Variants in CNTN4 observed in about 807,000 individuals in gnomAD.
CNTN4 encodes the protein contactin-4.
Under a neutral mutation model 122.5 loss-of-function variants are expected in CNTN4, and 77 were observed. The observed-to-expected ratio is 0.63, with a 90% CI of 0.52 to 0.76. CNTN4 has a LOEUF of 0.76. Among genes scored for constraint, CNTN4 ranks in the 30% least tolerant of loss-of-function variants. The pLI is 0.00. For missense variants in CNTN4, 1,256 were observed against 1,259.1 expected (o/e 1.00, Z 0.04); for synonymous variants, 512 against 447.0 (o/e 1.15, Z -1.83).
chr3:3,043,570 G>C (rs201415080), intron 22 of CNTN4, 22 bp from the exon 23 acceptor site: 27 of 1,535,486 alleles, frequency 1.8e-5, no homozygotes, highest in Non-Finnish European at 1.5e-5. Context: ...CTGTGACTTC[G>C]TATATCTTAA....
At chr3:2,590,152 T>G (rs2080398166) in intron 4 of CNTN4, among the ~76,000 whole-genome samples, 1 of 152,230 alleles carries the variant, frequency 6.6e-6, no homozygotes, top group African/African-American at 2.4e-5. Flanking sequence ...TGGTCTTCCC[T>G]CATCTTCACT....
chr3:2,803,456 A>G (rs2092393851), intron 6 of CNTN4, among the ~76,000 whole-genome samples: 1 of 152,230 alleles, frequency 6.6e-6, no homozygotes, highest in African/African-American at 2.4e-5. Flanking sequence ...TGTAAGACAC[A>G]GGCTTTTTAT....
At chr3:2,642,726 T>C (rs1355268154) in intron 4 of CNTN4, among the ~76,000 whole-genome samples, 1 of 152,202 alleles carries the variant, frequency 6.6e-6, no homozygotes, top group Non-Finnish European at 1.5e-5. Flanking sequence ...ATCACACACA[T>C]ATTTATTTCT....
chr3:2,892,832 G>C (rs1246238070), intron 10 of CNTN4, among the ~76,000 whole-genome samples: 1 of 152,090 alleles, frequency 6.6e-6, no homozygotes. Flanking sequence ...CAACTGCTGG[G>C]GCCAACCCTT....
In CNTN4 at chr3:2,866,755, T is replaced by A. The variant is rs1438859530; in HGVS notation, c.458T>A (p.Leu153Gln). The change falls in exon 8 of 25, where the codon CTG becomes CAG. Residue 153 changes from leucine (L) to glutamine (Q), a missense_variant. Leu to Gln is a moderately radical substitution (Grantham distance 113). Transcript: ENST00000418658. ...LCGPPPHSGELSYAWIFNEYP... is the reference protein window; with the variant it reads ...LCGPPPHSGEQSYAWIFNEYP... ...ATGAAGATTTTTTTCCTTTCAGAGCTGAGTTATGCCTGGATCTTCAATGAA... is the reference window on the plus strand; with the variant it reads ...ATGAAGATTTTTTTCCTTTCAGAGCAGAGTTATGCCTGGATCTTCAATGAA... 5 of 1,613,688 alleles carry A rather than the reference T, an allele frequency of 3.1e-6. No homozygotes were observed. The highest frequency in any genetic ancestry group is 4.2e-6 in the Non-Finnish European group (5 of 1,179,730).
At chr3:2,927,040 C>A (rs1183147072) in intron 13 of CNTN4, among the ~76,000 whole-genome samples, 1 of 152,102 alleles carries the variant, frequency 6.6e-6, no homozygotes, top group Non-Finnish European at 1.5e-5. Context: ...TAGCTATGTA[C>A]TTACTTTTAA....
intron 19 of CNTN4, 95 bp downstream of exon 19, chr3:3,039,098 G>A: frequency 9.4e-7 from 1 of 1,068,144 alleles, no homozygotes. Flanking sequence ...TTCCTCCTCT[G>A]TTTTTAACAG....
chr3:2,574,498 A>G (rs959832603), intron 4 of CNTN4, among the ~76,000 whole-genome samples: 1 of 152,288 alleles, frequency 6.6e-6, no homozygotes, highest in Middle Eastern at 3.4e-3. Flanking sequence ...GGCATTTATT[A>G]GTACTTTATG....
intron 6 of CNTN4, among the ~76,000 whole-genome samples, chr3:2,781,955 C>T (rs963714430): frequency 4.7e-5 from 7 of 149,570 alleles, no homozygotes; most frequent in Non-Finnish European, 7.4e-5. Context: ...GATCTCCTGA[C>T]CTCGTGATCC....
intron 2 of CNTN4, among the ~76,000 whole-genome samples, chr3:2,176,089 C>G (rs1199741105): frequency 6.6e-6 from 1 of 152,160 alleles, no homozygotes; most frequent in Non-Finnish European, 1.5e-5. Context: ...TCTAAATGCA[C>G]TGCCTTGTAG....
Position 2,414,554 on chromosome 3 carries a change from C to G in CNTN4, c.-89+75321C>G, listed in dbSNP as rs139401210. ...ACTTCTCTTTTTTGTAATTATATCACTTGTTAATAGTAATTGATATTATTT... is the reference window on the plus strand; with the variant it reads ...ACTTCTCTTTTTTGTAATTATATCAGTTGTTAATAGTAATTGATATTATTT... On this transcript the variant is annotated intron_variant, in intron 3 of 24. Coordinates refer to ENST00000418658, the MANE Select transcript of CNTN4 (RefSeq NM_175607.3). Among the ~76,000 whole-genome samples, 844 of 152,138 alleles carry G rather than the reference C, an allele frequency of 5.5e-3. 4 individuals are homozygous for G. Among genetic ancestry groups the G allele is most frequent in the Middle Eastern group, 0.014 (4 of 294 alleles).
intron 4 of CNTN4, among the ~76,000 whole-genome samples, chr3:2,672,629 C>T (rs141774327): frequency 3.9e-5 from 6 of 152,150 alleles, no homozygotes; most frequent in African/African-American, 1.4e-4. Context: ...TCTGACAATC[C>T]CCAGTGAGAT....
At chr3:2,258,593 G>A (rs2040695209) in intron 2 of CNTN4, among the ~76,000 whole-genome samples, 2 of 152,040 alleles carry the variant, frequency 1.3e-5, no homozygotes, top group Non-Finnish European at 2.9e-5. Context: ...TACTGTGTTT[G>A]CTCATGTTTA....
intron 4 of CNTN4, among the ~76,000 whole-genome samples, chr3:2,650,580 A>G (rs181303642): frequency 6.6e-6 from 1 of 152,150 alleles, no homozygotes; most frequent in Non-Finnish European, 1.5e-5. Context: ...AATGCAGCAA[A>G]CTTCAATGTT....
chr3:2,110,198 T>A (rs990857306), intron 2 of CNTN4, among the ~76,000 whole-genome samples: 2 of 152,232 alleles, frequency 1.3e-5, no homozygotes, highest in Non-Finnish European at 2.9e-5. Flanking sequence ...TTGTTTTGTC[T>A]CTTACTAGCT....
chr3:2,330,248 T>A (rs1017865641), intron 2 of CNTN4, among the ~76,000 whole-genome samples: 4 of 152,210 alleles, frequency 2.6e-5, no homozygotes, highest in South Asian at 2.1e-4. Context: ...GGAAAAGGTA[T>A]GTGCGAAGGA....
At chr3:2,318,784 T>C (rs149888648) in intron 2 of CNTN4, among the ~76,000 whole-genome samples, 45 of 152,270 alleles carry the variant, frequency 3.0e-4, no homozygotes, top group African/African-American at 1.0e-3. Context: ...GGACTGCATG[T>C]GCATGCCACT....
chr3:2,622,190 T>C (rs1559314952), intron 4 of CNTN4, among the ~76,000 whole-genome samples: 2 of 152,156 alleles, frequency 1.3e-5, no homozygotes, highest in Admixed American at 1.3e-4. Context: ...ACTATGGCAG[T>C]AGGAGGAGAT....
intron 13 of CNTN4, among the ~76,000 whole-genome samples, chr3:2,951,366 A>G (rs1221652949): frequency 6.6e-6 from 1 of 152,140 alleles, no homozygotes. Flanking sequence ...ACAGTTCACA[A>G]TAGGGTTCAG....
Sources: allele counts gnomAD v4.1 joint callset (sites outside exome capture counted in the v4.1 genomes callset), GRCh38; gene constraint gnomAD v4.1.1; transcripts MANE v1.5; gene names NCBI Gene and HGNC (gene_info 2026-07-23, HGNC 2026-07-21).